The following PPM1L variants were observed in gnomAD, a reference collection of about 807,000 sequenced individuals.
The protein encoded by PPM1L is protein phosphatase, Mg2+/Mn2+ dependent 1L.
A neutral mutation model predicts 31.4 loss-of-function variants in PPM1L; 13 were observed. That is an observed-to-expected ratio of 0.41 (90% confidence interval 0.27 to 0.66). The LOEUF (loss-of-function observed/expected upper bound fraction) is 0.66. Among genes scored for constraint, PPM1L ranks in the 30% least tolerant of loss-of-function variants. The probability of loss-of-function intolerance (pLI) is 0.29; values close to 1 mark genes in which losing one functional copy is unlikely to be tolerated. For synonymous variants in PPM1L, 184 were observed against 175.4 expected (o/e 1.05, Z -0.39); for missense variants, 326 against 453.7 (o/e 0.72, Z 2.56).
chr3:160,786,149 CTCTCTCTCTG>C (rs1169211193), intron 1 of PPM1L, among the ~76,000 whole-genome samples: 3 of 89,060 alleles, frequency 3.4e-5, no homozygotes, highest in African/African-American at 1.6e-4. Flanking sequence ...CTCTCTCTCT[CTCTCTCTCTG>C]TGTGTGTGTG....
At chr3:160,869,754 G>A (rs1712234313) in intron 1 of PPM1L, among the ~76,000 whole-genome samples, 1 of 151,680 alleles carries the variant, frequency 6.6e-6, no homozygotes, top group African/African-American at 2.4e-5. Flanking sequence ...ACAAATATTT[G>A]TAGGTATGTA....
chr3:161,038,221 G>A (rs1290926082), intron 2 of PPM1L, among the ~76,000 whole-genome samples: 2 of 120,518 alleles, frequency 1.7e-5, no homozygotes, highest in Non-Finnish European at 3.2e-5. Context: ...GCGACAGAGC[G>A]AGACTCCGTC....
At chr3:160,928,730 G>A (rs1714683193) in intron 1 of PPM1L, among the ~76,000 whole-genome samples, 1 of 152,132 alleles carries the variant, frequency 6.6e-6, no homozygotes, top group Non-Finnish European at 1.5e-5. Flanking sequence ...GAGGGAACTA[G>A]CTAGGTCCTT....
rs151005293 is a variant in PPM1L at position 161,075,035 on chromosome 3, C to G, written c.*5878C>G. ...GCACAAGCAGATTACTGTAAGGGCACTGGTGGCAGATTGTGGTGGAGAGAG... is the reference window on the plus strand; with the variant it reads ...GCACAAGCAGATTACTGTAAGGGCAGTGGTGGCAGATTGTGGTGGAGAGAG... On this transcript the variant is annotated 3_prime_UTR_variant, in exon 4 of 4. Transcript: ENST00000498165. 1.3e-5 allele frequency: 2 copies of G among 152,222 alleles called. No homozygotes were observed. The highest frequency in any genetic ancestry group is 3.9e-4 in the East Asian group (2 of 5,160). 9.4% of individuals were successfully genotyped at this position (152,222 alleles called of 1,614,324 possible).
intron 2 of PPM1L, among the ~76,000 whole-genome samples, chr3:160,965,414 A>G (rs573523588): frequency 6.6e-6 from 1 of 152,054 alleles, no homozygotes; most frequent in Non-Finnish European, 1.5e-5. Flanking sequence ...ACATACACCC[A>G]TTCTGTTTTT....
At chr3:160,960,615 G>A (rs1171767087) in intron 1 of PPM1L, among the ~76,000 whole-genome samples, 1 of 148,924 alleles carries the variant, frequency 6.7e-6, no homozygotes, top group Non-Finnish European at 1.5e-5. Context: ...GTTTTATACT[G>A]GTTATGAATA....
intron 1 of PPM1L, among the ~76,000 whole-genome samples, chr3:160,854,428 C>G (rs1711616998): frequency 6.6e-6 from 1 of 152,132 alleles, no homozygotes; most frequent in Non-Finnish European, 1.5e-5. Context: ...GAGTAGGGAA[C>G]AGTGAAGGAT....
At chr3:160,900,254 A>G (rs898641027) in intron 1 of PPM1L, among the ~76,000 whole-genome samples, 5 of 152,102 alleles carry the variant, frequency 3.3e-5, no homozygotes, top group African/African-American at 2.4e-5. Flanking sequence ...CTTTTAAACA[A>G]TTTTACCAAC....
Position 160,932,145 on chromosome 3 carries a change from G to C in PPM1L, c.400-29591G>C, listed in dbSNP as rs74774663. 5.6e-3 allele frequency among the ~76,000 whole-genome samples: 857 copies of C among 152,256 alleles called. 34 individuals are homozygous for C. The highest frequency in any genetic ancestry group is 0.05 in the Admixed American group (761 of 15,290). ...TTTACCTAAGGTTTTCTTCAAGAAA[G>C]CAATAAAGTGAATATGGTTTTGAGC... On this transcript the variant is annotated intron_variant, in intron 1 of 3. Coordinates refer to ENST00000498165, the MANE Select transcript of PPM1L (RefSeq NM_139245.4).
intron 2 of PPM1L, among the ~76,000 whole-genome samples, chr3:161,019,853 T>C (rs1718191271): frequency 6.6e-6 from 1 of 152,256 alleles, no homozygotes; most frequent in East Asian, 1.9e-4. Flanking sequence ...CTGCTGGGCA[T>C]GGTGGCTCAT....
chr3:160,959,453 T>A lies in PPM1L; in HGVS notation c.400-2283T>A, dbSNP rs551026495. Among the ~76,000 whole-genome samples, 15 of 152,278 alleles carry A rather than the reference T, an allele frequency of 9.9e-5. No individual in the cohort carries two copies. The South Asian group carries it at 1.0e-3, about 11-fold the overall frequency. ...TTCCCCAAAAACTACTGAAATAAAA[T>A]TTTTAAAAACCAAATACACTTTAAA... is the stretch of plus-strand genomic sequence containing the variant. On this transcript the variant is annotated intron_variant, in intron 1 of 3. Transcript: ENST00000498165.
chr3:160,921,080 A>G (rs1231118834), intron 1 of PPM1L, among the ~76,000 whole-genome samples: 2 of 152,252 alleles, frequency 1.3e-5, no homozygotes, highest in African/African-American at 4.8e-5. Context: ...GAAACTCCTG[A>G]AATTTAAGTT....
At chr3:160,792,995 G>A (rs1384824280) in intron 1 of PPM1L, among the ~76,000 whole-genome samples, 1 of 152,150 alleles carries the variant, frequency 6.6e-6, no homozygotes, top group Non-Finnish European at 1.5e-5. Flanking sequence ...TGGGGTTATG[G>A]TTTTTTGAAG....
chr3:160,973,474 T>C (rs1716423174), intron 2 of PPM1L, among the ~76,000 whole-genome samples: 1 of 152,220 alleles, frequency 6.6e-6, no homozygotes, highest in African/African-American at 2.4e-5. Context: ...CTTGTTAGAA[T>C]GTTTGTAATA....
intron 2 of PPM1L, among the ~76,000 whole-genome samples, chr3:161,048,714 A>T (rs1475000860): frequency 1.3e-5 from 2 of 152,082 alleles, no homozygotes; most frequent in Non-Finnish European, 2.9e-5. Context: ...TATTAAGCAA[A>T]TGTGGCATAT....
chr3:160,801,604 A>C (rs1309845223), intron 1 of PPM1L, among the ~76,000 whole-genome samples: 1 of 152,264 alleles, frequency 6.6e-6, no homozygotes, highest in African/African-American at 2.4e-5. Context: ...GGCATAGCAC[A>C]GTCCTCCAGC....
At chr3:160,886,413 C>A (rs1190434340) in intron 1 of PPM1L, among the ~76,000 whole-genome samples, 1 of 152,184 alleles carries the variant, frequency 6.6e-6, no homozygotes, top group East Asian at 1.9e-4. Context: ...GACCCTCCAA[C>A]AGGGGTTTTC....
At chr3:161,041,685 T>C (rs1309266778) in intron 2 of PPM1L, among the ~76,000 whole-genome samples, 2 of 152,004 alleles carry the variant, frequency 1.3e-5, no homozygotes, top group Non-Finnish European at 2.9e-5. Context: ...GAGGCGGAGC[T>C]TGCAGTGAGC....
chr3:160,962,421 G>A (rs1361619175), intron 2 of PPM1L, among the ~76,000 whole-genome samples: 2 of 151,962 alleles, frequency 1.3e-5, no homozygotes, highest in Non-Finnish European at 2.9e-5. Context: ...ATGAAGTCAT[G>A]GACAGAACTC....
Sources: allele counts gnomAD v4.1 joint callset (sites outside exome capture counted in the v4.1 genomes callset), GRCh38; gene constraint gnomAD v4.1.1; transcripts MANE v1.5; gene names NCBI Gene and HGNC (gene_info 2026-07-23, HGNC 2026-07-21).